Variants in SH3PXD2A observed in about 807,000 individuals in gnomAD.
SH3PXD2A encodes SH3 and PX domains 2A, also known as SH3 and PX domain-containing protein 2A.
In SH3PXD2A, 32 loss-of-function variants were observed where a neutral mutation model predicts 115.2. That is an observed-to-expected ratio of 0.28 (90% CI 0.21 to 0.37). SH3PXD2A has a LOEUF of 0.37. Among genes scored for constraint, SH3PXD2A ranks in the 10% least tolerant of loss-of-function variants. The probability of loss-of-function intolerance (pLI) is 1.00; values close to 1 mark genes in which losing one functional copy is unlikely to be tolerated. For synonymous variants in SH3PXD2A, 610 were observed against 629.1 expected, an observed-to-expected ratio of 0.97 and a Z score of 0.45; for missense variants, 1,328 against 1,498.7, an observed-to-expected ratio of 0.89 and a Z score of 1.88.
chr10:103,822,577 A>G (rs1018186946), intron 1 of SH3PXD2A, among the ~76,000 whole-genome samples: 2 of 152,250 alleles, frequency 1.3e-5, no homozygotes, highest in South Asian at 4.1e-4. Context: ...CATGCCTGTT[A>G]ACGAGGACCC....
chr10:103,631,012 A>G, intron 8 of SH3PXD2A, among the ~76,000 whole-genome samples: 1 of 152,132 alleles, frequency 6.6e-6, no homozygotes, highest in East Asian at 1.9e-4. Flanking sequence ...TTTTTCCTAT[A>G]CATACATGCC....
chr10:103,740,316 G>A (rs566069490), intron 3 of SH3PXD2A, among the ~76,000 whole-genome samples: 6 of 152,144 alleles, frequency 3.9e-5, no homozygotes, highest in Admixed American at 1.3e-4. Context: ...AGAGTGTGGG[G>A]GAGCCATGAT....
chr10:103,703,404 C>T (rs2037943703), intron 5 of SH3PXD2A, among the ~76,000 whole-genome samples: 1 of 152,216 alleles, frequency 6.6e-6, no homozygotes, highest in South Asian at 2.1e-4. Context: ...TGTCACACAG[C>T]TTGCAATGGG....
Position 103,756,005 on chromosome 10 carries a change from C to G in SH3PXD2A, c.229+11089G>C, listed in dbSNP as rs1200131361. On this transcript the variant is annotated intron_variant, in intron 3 of 14. Transcript: ENST00000369774. This position sits in a 1 kb window ranked among gnomAD's most constrained non-coding sequence, Gnocchi z 4.4. ...CCCTCCACATTTGCCTCCTCCCTTC[C>G]CTTTTGAAGGTACATTCAGATGAAC... Among the ~76,000 whole-genome samples the G allele has an allele frequency of 6.6e-6, 1 of 152,198 alleles. No individual in the cohort carries two copies. The highest frequency in any genetic ancestry group is 1.5e-5 in the Non-Finnish European group (1 of 68,030).
At position 103,801,342 on chromosome 10, in the gene SH3PXD2A, G is replaced by A; in HGVS notation, c.93C>T (p.Thr31=). 3 of 1,610,314 alleles carry A rather than the reference G, an allele frequency of 1.9e-6. No individual in the cohort carries two copies. The highest frequency in any genetic ancestry group is 2.2e-5 in the South Asian group (2 of 90,986). Residue 31 remains threonine (T), a synonymous_variant, in exon 2 of 15, where the codon ACC becomes ACT. Transcript: ENST00000369774. ...TAGTCTGGGAGGTGGAGTCAGACCA[G>A]GTCACATTGATTATGTATACCTGTG... ...SKHYVYIINV[T]WSDSTSQTIY...
Position 103,602,100 on chromosome 10 carries a change from C to G in SH3PXD2A, c.3118G>C (p.Gly1040Arg). ...GCGGGCAGTAGGGGTGAGTCTGAAC[C>G]CTGGCTGGCAGCCCGTTCGGCCAGG... ...GRLAERAASQ[G>R]SDSPLLPAQR... is the part of the protein sequence containing the mutation. The change falls in exon 15 of 15, where the codon GGT (glycine) becomes CGT (arginine). Residue 1040 changes from glycine to arginine, a missense_variant. Transcript: ENST00000369774. 6.3e-7 allele frequency: 1 copy of G among 1,592,838 alleles called. No homozygotes were observed. The highest frequency in any genetic ancestry group is 1.3e-5 in the African/African-American group (1 of 74,622).
At chr10:103,825,022 G>T (rs2039416300) in intron 1 of SH3PXD2A, among the ~76,000 whole-genome samples, 1 of 152,188 alleles carries the variant, frequency 6.6e-6, no homozygotes, top group Non-Finnish European at 1.5e-5. Context: ...GGCTGGTCTT[G>T]AACTCCTGGG....
chr10:103,806,030 C>A (rs1428186948), intron 1 of SH3PXD2A, among the ~76,000 whole-genome samples: 1 of 152,244 alleles, frequency 6.6e-6, no homozygotes, highest in African/African-American at 2.4e-5. Context: ...TACAGCCACA[C>A]TTCCCCCTAA....
Position 103,735,713 on chromosome 10 carries a change from G to T in SH3PXD2A, c.306+19C>A. The T allele has an allele frequency of 3.5e-6, 3 of 867,350 alleles. No homozygotes were observed. The highest frequency in any genetic ancestry group is 5.4e-6 in the Non-Finnish European group (3 of 553,060). 53.7% of individuals were successfully genotyped at this position (867,350 alleles called of 1,614,324 possible). On this transcript the variant is annotated intron_variant, in intron 4 of 14. Transcript: ENST00000369774. ...AAGCCCTCCCCGAGCCCCTCCCCCAGCCCCAGATACACTCTCACCCGGCAG... is the reference window on the plus strand; with the variant it reads ...AAGCCCTCCCCGAGCCCCTCCCCCATCCCCAGATACACTCTCACCCGGCAG...
intron 1 of SH3PXD2A, among the ~76,000 whole-genome samples, chr10:103,828,551 T>C (rs2039453352): frequency 6.6e-6 from 1 of 152,226 alleles, no homozygotes; most frequent in African/African-American, 2.4e-5. Context: ...TCACAAGCTC[T>C]ACCTGGTGGT....
At chr10:103,835,840 G>A (rs1199600264) in intron 1 of SH3PXD2A, among the ~76,000 whole-genome samples, 2 of 152,112 alleles carry the variant, frequency 1.3e-5, no homozygotes, top group Non-Finnish European at 1.5e-5. Context: ...TTCCTCCTTG[G>A]CCTTCACTGA....
Position 103,602,476 on chromosome 10 carries a change from G to C in SH3PXD2A, c.2742C>G (p.Ala914=), listed in dbSNP as rs2036232707. 2 of 1,614,056 alleles carry C rather than the reference G, an allele frequency of 1.2e-6. No individual in the cohort carries two copies. The highest frequency in any genetic ancestry group is 1.7e-6 in the Non-Finnish European group (2 of 1,180,028). The change falls in exon 15 of 15, where the codon GCC becomes GCG. Residue 914 remains alanine (A), a synonymous_variant. Coordinates refer to ENST00000369774, the MANE Select transcript of SH3PXD2A (RefSeq NM_001394015.1). ...ATTTGCCTTCGTTCTGCCTGCCCTT[G>C]GCGGGCACTGTGTCCAGCTCTTTGC... is the stretch of plus-strand genomic sequence containing the variant. ...PSGKELDTVP[A]KGRQNEGKSD...
intron 8 of SH3PXD2A, among the ~76,000 whole-genome samples, chr10:103,644,830 T>C (rs780234830): frequency 5.9e-5 from 9 of 152,220 alleles, no homozygotes; most frequent in Non-Finnish European, 1.3e-4. Context: ...ATTATCCTCA[T>C]GTTACAGATA....
chr10:103,847,506 G>T lies in SH3PXD2A; in HGVS notation c.72+7689C>A, dbSNP rs1308126060. On this transcript the variant is annotated intron_variant, in intron 1 of 14. Coordinates refer to ENST00000369774, the MANE Select transcript of SH3PXD2A (RefSeq NM_001394015.1). ...TTCTGGCTTATTTTTTAATTTTTTT[G>T]TAGAGATGGGGTCTTGCTACATTGT... is the stretch of plus-strand genomic sequence containing the variant. Among the ~76,000 whole-genome samples the T allele has an allele frequency of 2.0e-5, 3 of 151,942 alleles. No individual in the cohort carries two copies. The East Asian group carries it at 5.8e-4, about 29-fold the overall frequency.
At chr10:103,790,770 C>T (rs972069324) in intron 2 of SH3PXD2A, among the ~76,000 whole-genome samples, 1 of 152,158 alleles carries the variant, frequency 6.6e-6, no homozygotes, top group Non-Finnish European at 1.5e-5. Flanking sequence ...GGGTACAGGA[C>T]AGGAGAATGC....
chr10:103,850,041 T>A (rs1270880725), intron 1 of SH3PXD2A, among the ~76,000 whole-genome samples: 1 of 152,100 alleles, frequency 6.6e-6, no homozygotes, highest in Non-Finnish European at 1.5e-5. Context: ...TAGAAGGCAA[T>A]TTACAGGGAA....
chr10:103,854,193 A>C (rs1472282020), intron 1 of SH3PXD2A, among the ~76,000 whole-genome samples: 1 of 152,240 alleles, frequency 6.6e-6, no homozygotes, highest in Non-Finnish European at 1.5e-5. Context: ...TCAATGTACA[A>C]TCCAGGGCAG....
At position 103,791,818 on chromosome 10, in the gene SH3PXD2A, C is replaced by T. The variant is rs111298996; in HGVS notation, c.153+9464G>A. On this transcript the variant is annotated intron_variant, in intron 2 of 14. Coordinates refer to ENST00000369774, the MANE Select transcript of SH3PXD2A (RefSeq NM_001394015.1). ...CTGCTTAAAGGGGAAAAAAGATCAA[C>T]CCAAACTTTTCCCAACACCCTCCAG... Among the ~76,000 whole-genome samples, 958 of 152,152 alleles carry T rather than the reference C, an allele frequency of 6.3e-3. 8 individuals are homozygous for T. Among genetic ancestry groups the T allele is most frequent in the African/African-American group, 0.022 (918 of 41,508 alleles).
chr10:103,836,762 A>G (rs1378872503), intron 1 of SH3PXD2A, among the ~76,000 whole-genome samples: 1 of 152,124 alleles, frequency 6.6e-6, no homozygotes, highest in African/African-American at 2.4e-5. Flanking sequence ...CTAAAAACAC[A>G]CTAGTGTCTC....
Sources: gnomAD v4.1 joint callset for allele counts (sites outside exome capture counted in the v4.1 genomes callset) on GRCh38, gnomAD v4.1.1 for gene constraint, Gnocchi (gnomAD v3.1) non-coding constraint, MANE v1.5 for transcripts, NCBI Gene and HGNC (gene_info 2026-07-23, HGNC 2026-07-21) for gene names.